The following PPP2R2C variants were observed in gnomAD, a reference collection of about 807,000 sequenced individuals.
PPP2R2C encodes the protein protein phosphatase 2, regulatory subunit B, gamma.
PPP2R2C carries 10 observed loss-of-function variants against 45.3 expected under a neutral mutation model. That is an observed-to-expected ratio of 0.22 (90% CI 0.14 to 0.37). PPP2R2C has a LOEUF of 0.37. PPP2R2C is among the 10% of genes least tolerant of loss of function. The pLI is 1.00. For missense variants in PPP2R2C, 308 were observed against 619.7 expected, an observed-to-expected ratio of 0.50 and a Z score of 5.34; for synonymous variants, 257 against 245.4, an observed-to-expected ratio of 1.05 and a Z score of -0.44.
At position 6,332,683 on chromosome 4, in the gene PPP2R2C, C is replaced by T. The variant is rs569012509; in HGVS notation, c.960+879G>A. 3.3e-5 allele frequency among the ~76,000 whole-genome samples: 5 copies of T among 152,290 alleles called. No individual in the cohort carries two copies. The highest frequency in any genetic ancestry group is 9.6e-5 in the African/African-American group (4 of 41,564). On this transcript the variant is annotated intron_variant, in intron 7 of 8. Coordinates refer to ENST00000382599, the MANE Select transcript of PPP2R2C (RefSeq NM_020416.4). The surrounding 1 kb of genome is among the most constrained non-coding windows in gnomAD (Gnocchi z 4.9). Reference sequence around the variant, plus strand: ...CCTCATCTCCCTACCTCTCAGTGCCCGAGTTCCCTTTCCACCAAATAGGAT... The same window carrying T: ...CCTCATCTCCCTACCTCTCAGTGCCTGAGTTCCCTTTCCACCAAATAGGAT...
At chr4:6,506,519 G>T (rs191672530) in intron 2 of PPP2R2C, among the ~76,000 whole-genome samples, 10 of 152,186 alleles carry the variant, frequency 6.6e-5, no homozygotes, top group Non-Finnish European at 1.5e-4. Flanking sequence ...AGGCCTCTCT[G>T]AGAAGTGACT....
chr4:6,384,931 G>C (rs999551737), intron 1 of PPP2R2C: 2 of 847,800 alleles, frequency 2.4e-6, no homozygotes, highest in Non-Finnish European at 2.8e-6. Flanking sequence ...CAACTTCTCT[G>C]AGCCTTGGTT....
At chr4:6,341,420 GAA>G (rs910087579) in intron 6 of PPP2R2C, among the ~76,000 whole-genome samples, 3 of 151,986 alleles carry the variant, frequency 2.0e-5, no homozygotes, top group African/African-American at 7.2e-5. Flanking sequence ...ATGAGAAAGG[GAA>G]AAAGAGTGCA....
At chr4:6,356,397 A>G (rs1030211107) in intron 5 of PPP2R2C, among the ~76,000 whole-genome samples, 7 of 152,188 alleles carry the variant, frequency 4.6e-5, no homozygotes, top group Non-Finnish European at 1.0e-4. Context: ...TTGCTCAGGG[A>G]CAAGGAGAGA....
At chr4:6,534,638 A>C (rs1225082691) in intron 2 of PPP2R2C, among the ~76,000 whole-genome samples, 1 of 151,570 alleles carries the variant, frequency 6.6e-6, no homozygotes, top group Non-Finnish European at 1.5e-5. Flanking sequence ...CACACATATC[A>C]ACACACACAG....
Position 6,350,156 on chromosome 4 carries a change from G to A in PPP2R2C, c.626-2146C>T, listed in dbSNP as rs563824573. ...GTTTTCCAGTATGAAAAGAAGCAGC[G>A]ATTAAATAATGAAAAATGATACTGA... is the stretch of plus-strand genomic sequence containing the variant. On this transcript the variant is annotated intron_variant, in intron 5 of 8. Transcript: ENST00000382599. 2.2e-4 allele frequency: 215 copies of A among 985,392 alleles called. No homozygotes were observed. In the African/African-American group the frequency reaches 3.3e-3, roughly 15 times the overall value. The allele number at this position is 985,392 out of a possible 1,614,324, so 61.0% of individuals were successfully genotyped here.
chr4:6,522,966 C>T lies in PPP2R2C; in HGVS notation c.49+12305G>A, dbSNP rs548449681. ...AGCTGAGGCAGGGAGAGGGGCAGGC[C>T]GCAGATGCACAGCAGCCTGGCAGGG... is the stretch of plus-strand genomic sequence containing the variant. On this transcript the variant is annotated intron_variant, in intron 2 of 9. Transcript: ENST00000506140. Among the ~76,000 whole-genome samples the T allele has an allele frequency of 7.2e-5, 11 of 152,314 alleles. No homozygotes were observed. In the South Asian group the frequency reaches 8.3e-4, roughly 11 times the overall value.
At chr4:6,520,260 C>T (rs1029236876) in intron 2 of PPP2R2C, among the ~76,000 whole-genome samples, 7 of 152,122 alleles carry the variant, frequency 4.6e-5, no homozygotes, top group African/African-American at 1.7e-4. Flanking sequence ...AGTGGACACT[C>T]AGCAAGCGGG....
At position 6,408,374 on chromosome 4, in the gene PPP2R2C, T is replaced by G. The variant is rs150379351; in HGVS notation, c.71-27280A>C. ...CCGGTACAGGTTCTTCACTGCATGA[T>G]CACATCCCCATGCTGCCCTCCACTG... On this transcript the variant is annotated intron_variant, in intron 1 of 8. Transcript: ENST00000382599. Among the ~76,000 whole-genome samples the G allele has an allele frequency of 3.1e-3, 467 of 152,252 alleles. 3 individuals are homozygous for G. Among genetic ancestry groups the G allele is most frequent in the African/African-American group, 0.011 (440 of 41,532 alleles).
At chr4:6,415,086 C>T (rs1427323309) in intron 1 of PPP2R2C, among the ~76,000 whole-genome samples, 1 of 152,248 alleles carries the variant, frequency 6.6e-6, no homozygotes, top group Non-Finnish European at 1.5e-5. Flanking sequence ...GGACAAAAGG[C>T]CCCGTCCTCC....
chr4:6,496,693 C>G (rs1292928072), intron 2 of PPP2R2C, among the ~76,000 whole-genome samples: 3 of 152,008 alleles, frequency 2.0e-5, no homozygotes, highest in Non-Finnish European at 4.4e-5. Flanking sequence ...GAAACCCTAT[C>G]TCTACTAAAT....
At chr4:6,354,079 G>C (rs1712905784) in intron 5 of PPP2R2C, among the ~76,000 whole-genome samples, 1 of 149,750 alleles carries the variant, frequency 6.7e-6, no homozygotes, top group South Asian at 2.2e-4. Flanking sequence ...AGGTCCTGGG[G>C]TTCCTCCATC....
chr4:6,445,351 C>A (rs1418421814), intron 1 of PPP2R2C, among the ~76,000 whole-genome samples: 4 of 152,212 alleles, frequency 2.6e-5, no homozygotes, highest in Non-Finnish European at 5.9e-5. Flanking sequence ...GTATAAGCAA[C>A]CATGCATTTA....
rs534885400 is a variant in PPP2R2C, at chr4:6,381,186, G to A, written c.71-92C>T. The A allele has an allele frequency of 7.1e-5, 110 of 1,546,696 alleles. 1 individual carries two copies. The South Asian group carries it at 1.1e-3, about 16-fold the overall frequency. Reference sequence around the variant, plus strand: ...GTGCCACAGCAATGGCGAGCTCCCCGCTCCCCGAGGCCCCACAGCCCTGGG... The same window carrying A: ...GTGCCACAGCAATGGCGAGCTCCCCACTCCCCGAGGCCCCACAGCCCTGGG... On this transcript the variant is annotated intron_variant, in intron 1 of 8. Transcript: ENST00000382599.
At chr4:6,456,713 T>C (rs1721059961) in intron 1 of PPP2R2C, among the ~76,000 whole-genome samples, 1 of 152,164 alleles carries the variant, frequency 6.6e-6, no homozygotes, top group South Asian at 2.1e-4. Flanking sequence ...CGGGCTGCCT[T>C]CCCACTTCCA....
Position 6,323,260 on chromosome 4 carries a change from C to T in PPP2R2C, c.*42G>A, listed in dbSNP as rs998709051. The T allele has an allele frequency of 6.4e-6, 10 of 1,553,464 alleles. No homozygotes were observed. Among genetic ancestry groups the T allele is most frequent in the South Asian group, 1.2e-5 (1 of 81,824 alleles). On this transcript the variant is annotated 3_prime_UTR_variant, in exon 9 of 9. Transcript: ENST00000382599. ...GTCGTGAAGGTCATGTCGGGGATGA[C>T]TTGCATGAGGCTGGGTGGCAGGGGC... is the stretch of plus-strand genomic sequence containing the variant.
At chr4:6,545,875 T>A (rs972825282) in intron 1 of PPP2R2C, among the ~76,000 whole-genome samples, 1 of 152,046 alleles carries the variant, frequency 6.6e-6, no homozygotes, top group African/African-American at 2.4e-5. Flanking sequence ...CTGACCAACA[T>A]CTACTGTTGA....
At chr4:6,465,061 T>G (rs73086152) in intron 1 of PPP2R2C, among the ~76,000 whole-genome samples, 1,720 of 152,174 alleles carry the variant, frequency 0.011, 42 homozygotes, top group African/African-American at 0.039. Flanking sequence ...CTGTGTGACT[T>G]GGGGGCGGGG....
chr4:6,342,686 C>CAGA (rs1577084169), intron 6 of PPP2R2C, among the ~76,000 whole-genome samples: 2 of 152,220 alleles, frequency 1.3e-5, no homozygotes, highest in East Asian at 3.8e-4. Context: ...GCAGAAGTAA[C>CAGA]TGTCTATTTT....
Sources: gnomAD v4.1 joint callset for allele counts (sites outside exome capture counted in the v4.1 genomes callset) on GRCh38, gnomAD v4.1.1 for gene constraint, Gnocchi (gnomAD v3.1) non-coding constraint, MANE v1.5 for transcripts, NCBI Gene and HGNC (gene_info 2026-07-23, HGNC 2026-07-21) for gene names.